Variants in PPP2R2C observed in about 807,000 individuals in gnomAD.
PPP2R2C encodes protein phosphatase 2, regulatory subunit B, gamma.
A neutral mutation model predicts 45.3 loss-of-function variants in PPP2R2C; 10 were observed. The ratio of observed to expected loss-of-function variants is 0.22; its 90% confidence interval spans 0.14 to 0.37. PPP2R2C has a LOEUF of 0.37. Among genes scored for constraint, PPP2R2C ranks in the 10% least tolerant of loss-of-function variants. PPP2R2C has a pLI of 1.00. For missense variants in PPP2R2C, 308 were observed against 619.7 expected, an observed-to-expected ratio of 0.50 and a Z score of 5.34; for synonymous variants, 257 against 245.4, an observed-to-expected ratio of 1.05 and a Z score of -0.44.
At chr4:6,452,285 T>C (rs12500979) in intron 1 of PPP2R2C, among the ~76,000 whole-genome samples, 57,982 of 151,954 alleles carry the variant, frequency 0.38, 12,180 homozygotes, top group Non-Finnish European at 0.5. Flanking sequence ...CCTGTGAACA[T>C]TGGCAGTGGA....
intron 5 of PPP2R2C, chr4:6,348,864 A>G: frequency 1.5e-6 from 1 of 668,512 alleles, no homozygotes; most frequent in Non-Finnish European, 1.8e-6. Flanking sequence ...GTGGGAGCCA[A>G]TAAATGTCCA....
intron 1 of PPP2R2C, among the ~76,000 whole-genome samples, chr4:6,466,038 G>A (rs73207849): frequency 0.09 from 13,713 of 152,232 alleles, 824 homozygotes; most frequent in Non-Finnish European, 0.13. Context: ...GGGTTCCTGC[G>A]TCATTCATGT....
chr4:6,535,658 G>A (rs578147999), intron 1 of PPP2R2C, among the ~76,000 whole-genome samples: 16 of 152,304 alleles, frequency 1.1e-4, no homozygotes, highest in East Asian at 1.9e-4. Flanking sequence ...CCCATCTCCC[G>A]TCTGTCGTTT....
chr4:6,325,345 T>C (rs1210949545), intron 8 of PPP2R2C, among the ~76,000 whole-genome samples: 3 of 152,142 alleles, frequency 2.0e-5, no homozygotes, highest in Non-Finnish European at 2.9e-5. Context: ...CCGCACCCGC[T>C]TTATATGTGA....
rs140364638 is a variant in PPP2R2C, at chr4:6,331,728, C to T, written c.960+1834G>A. The stretch of plus-strand genomic sequence containing the variant: ...ACCACATGTGAAGGTGGAAAACCAA[C>T]GCCCAAATGATGGTGGACTGGATCA... On this transcript the variant is annotated intron_variant, in intron 7 of 8. Coordinates refer to ENST00000382599, the MANE Select transcript of PPP2R2C (RefSeq NM_020416.4). The surrounding 1 kb of genome is among the most constrained non-coding windows in gnomAD (Gnocchi z 5.9). Among the ~76,000 whole-genome samples the T allele has an allele frequency of 8.9e-4, 135 of 152,284 alleles. No homozygotes were observed. The highest frequency in any genetic ancestry group is 1.7e-3 in the Non-Finnish European group (114 of 68,022).
chr4:6,397,650 T>A (rs867544117), intron 1 of PPP2R2C, among the ~76,000 whole-genome samples: 4 of 138,284 alleles, frequency 2.9e-5, no homozygotes, highest in African/African-American at 1.0e-4. Context: ...TAAGGGCAAG[T>A]GCAGCTGCCA....
rs1732472168 is a variant in PPP2R2C, at chr4:6,332,328, G to A, written c.960+1234C>T. Among the ~76,000 whole-genome samples the A allele has an allele frequency of 6.6e-6, 1 of 152,184 alleles. No individual in the cohort carries two copies. Among genetic ancestry groups the A allele is most frequent in the African/African-American group, 2.4e-5 (1 of 41,442 alleles). The stretch of plus-strand genomic sequence containing the variant: ...CTGCCATTCCCACAGGGACAGAGGA[G>A]GGCTGAGTCCTGCCTGGGGTGTGCA... On this transcript the variant is annotated intron_variant, in intron 7 of 8. Transcript: ENST00000382599. The surrounding 1 kb of genome is among the most constrained non-coding windows in gnomAD (Gnocchi z 4.9).
chr4:6,421,128 A>C, intron 1 of PPP2R2C: 1 of 985,170 alleles, frequency 1.0e-6, no homozygotes, highest in Non-Finnish European at 1.2e-6. Context: ...TGCAGGTATG[A>C]GCCCTAGGCT....
At chr4:6,334,019 T>G (rs1732635431) in intron 6 of PPP2R2C, among the ~76,000 whole-genome samples, 1 of 152,172 alleles carries the variant, frequency 6.6e-6, no homozygotes, top group Non-Finnish European at 1.5e-5. Flanking sequence ...AGTCGGGATT[T>G]GAAGCCAAAG....
intron 2 of PPP2R2C, among the ~76,000 whole-genome samples, chr4:6,477,710 G>A (rs112172232): frequency 0.13 from 16,965 of 132,506 alleles, 1,144 homozygotes; most frequent in Non-Finnish European, 0.16. Context: ...CAGCCTGGGC[G>A]ACAGAGCGAG....
rs139329650 is a variant in PPP2R2C at position 6,428,464 on chromosome 4, G to A, written c.70+43696C>T. ...TTTAGGCCTGGATATAGCACAGTCC[G>A]GGAGCTCAGGTGGTTCTTTTTAGAG... is the stretch of plus-strand genomic sequence containing the variant. On this transcript the variant is annotated intron_variant, in intron 1 of 8. Coordinates refer to ENST00000382599, the MANE Select transcript of PPP2R2C (RefSeq NM_020416.4). Among the ~76,000 whole-genome samples the A allele has an allele frequency of 5.7e-3, 871 of 152,344 alleles. 8 individuals are homozygous for A. The highest frequency in any genetic ancestry group is 0.02 in the African/African-American group (820 of 41,576).
chr4:6,411,224 G>A (rs974185723), intron 1 of PPP2R2C, among the ~76,000 whole-genome samples: 5 of 152,050 alleles, frequency 3.3e-5, no homozygotes, highest in East Asian at 1.9e-4. Context: ...GGTGAGTAAC[G>A]TGCCCACAGT....
intron 2 of PPP2R2C, among the ~76,000 whole-genome samples, chr4:6,482,684 A>G (rs992625921): frequency 2.6e-5 from 4 of 152,228 alleles, no homozygotes; most frequent in African/African-American, 9.6e-5. Context: ...GTCATCTGCA[A>G]TTAAACACAA....
At chr4:6,390,064 TGA>T (rs1022260281) in intron 1 of PPP2R2C, among the ~76,000 whole-genome samples, 41 of 152,130 alleles carry the variant, frequency 2.7e-4, no homozygotes, top group Non-Finnish European at 5.9e-4. Context: ...GACCCTAGCC[TGA>T]GACTCACAGC....
At chr4:6,499,521 G>A (rs1249595460) in intron 2 of PPP2R2C, among the ~76,000 whole-genome samples, 1 of 152,166 alleles carries the variant, frequency 6.6e-6, no homozygotes, top group African/African-American at 2.4e-5. Context: ...GATTTTCAAT[G>A]TGATGTTTTC....
At position 6,323,404 on chromosome 4, in the gene PPP2R2C, C is replaced by T. The variant is rs1480675622; in HGVS notation, c.1242G>A (p.Lys414=). The T allele has an allele frequency of 1.9e-6, 3 of 1,614,078 alleles. No homozygotes were observed. The highest frequency in any genetic ancestry group is 2.5e-6 in the Non-Finnish European group (3 of 1,179,946). Residue 414 remains lysine, a synonymous_variant, in exon 9 of 9, where the codon AAG becomes AAA. Transcript: ENST00000382599. ...CCGGGTGCCAGGCCGTGTGCAGGAT[C>T]TTCTTGGTGAAGTCCAAGCTGTCCA... ...ISVDSLDFTK[K]ILHTAWHPAE... is the part of the protein sequence containing the mutation.
intron 1 of PPP2R2C, among the ~76,000 whole-genome samples, chr4:6,400,893 CAAAGGGATGCG>C (rs1226458751): frequency 6.6e-6 from 1 of 152,186 alleles, no homozygotes; most frequent in African/African-American, 2.4e-5. Flanking sequence ...CTCATGCAGT[CAAAGGGATGCG>C]GAAGGGAAAC....
chr4:6,435,619 C>CT (rs1719853164), intron 1 of PPP2R2C, among the ~76,000 whole-genome samples: 1 of 152,194 alleles, frequency 6.6e-6, no homozygotes, highest in Non-Finnish European at 1.5e-5. Flanking sequence ...CCTGAACCAT[C>CT]TATTTATACA....
chr4:6,347,304 T>G (rs1298484258), intron 6 of PPP2R2C, among the ~76,000 whole-genome samples: 1 of 152,084 alleles, frequency 6.6e-6, no homozygotes, highest in Non-Finnish European at 1.5e-5. Context: ...AAATGTCCCC[T>G]GGAACTCGTT....
Sources: allele counts gnomAD v4.1 joint callset (sites outside exome capture counted in the v4.1 genomes callset), GRCh38; gene constraint gnomAD v4.1.1; non-coding constraint Gnocchi (gnomAD v3.1); transcripts MANE v1.5; gene names NCBI Gene and HGNC (gene_info 2026-07-23, HGNC 2026-07-21).